WIPF1: variants seen among roughly 807,000 people sequenced by gnomAD.
The protein encoded by WIPF1 is WAS/WASL interacting protein family member 1.
Under a neutral mutation model 35.4 loss-of-function variants are expected in WIPF1, and 13 were observed. The observed-to-expected ratio is 0.37, with a 90% CI of 0.24 to 0.58. WIPF1 has a LOEUF of 0.58. Among genes scored for constraint, WIPF1 ranks in the 20% least tolerant of loss-of-function variants. The probability of loss-of-function intolerance (pLI) is 0.74; values close to 1 mark genes in which losing one functional copy is unlikely to be tolerated. For missense variants in WIPF1, 591 were observed against 667.0 expected (o/e 0.89, Z 1.25); for synonymous variants, 267 against 266.3 (o/e 1.00, Z -0.02).
chr2:174,574,614 T>C, intron 4 of WIPF1: 1 of 400,626 alleles, frequency 2.5e-6, no homozygotes, highest in Non-Finnish European at 4.5e-6. Flanking sequence ...TAGGCATTCA[T>C]GAGCAAGTTC....
At chr2:174,611,160 C>T (rs751786567) in intron 1 of WIPF1, among the ~76,000 whole-genome samples, 32 of 152,176 alleles carry the variant, frequency 2.1e-4, no homozygotes, top group African/African-American at 6.5e-4. Flanking sequence ...CTCCTATCTG[C>T]GTTGATGATG....
chr2:174,591,857 T>C (rs571114444), intron 1 of WIPF1, among the ~76,000 whole-genome samples: 1 of 152,176 alleles, frequency 6.6e-6, no homozygotes, highest in Non-Finnish European at 1.5e-5. Context: ...AACTAGGGCA[T>C]CTTGCAGCCT....
intron 1 of WIPF1, among the ~76,000 whole-genome samples, chr2:174,637,982 T>C (rs113954059): frequency 0.018 from 2,811 of 152,344 alleles, 52 homozygotes; most frequent in South Asian, 0.04. Context: ...TGTTATACCT[T>C]ATAGTTGATA....
intron 7 of WIPF1, 165 bp downstream of exon 7, chr2:174,566,904 CT>C (rs1684677753): frequency 1.7e-6 from 1 of 590,624 alleles, no homozygotes; most frequent in Non-Finnish European, 3.0e-6. Context: ...TTCTGGGCAT[CT>C]GCAATTTCCT....
chr2:174,628,698 C>T (rs1415414933), intron 1 of WIPF1, among the ~76,000 whole-genome samples: 1 of 152,224 alleles, frequency 6.6e-6, no homozygotes, highest in Non-Finnish European at 1.5e-5. Context: ...TCCTTGGGGC[C>T]CTTCAACATT....
At chr2:174,665,002 A>T (rs2105978839) in intron 1 of WIPF1, among the ~76,000 whole-genome samples, 1 of 152,332 alleles carries the variant, frequency 6.6e-6, no homozygotes, top group South Asian at 2.1e-4. Context: ...ATAATATTAT[A>T]TTAACAATAC....
intron 3 of WIPF1, among the ~76,000 whole-genome samples, chr2:174,578,886 T>C (rs772121387): frequency 1.5e-4 from 23 of 152,250 alleles, no homozygotes; most frequent in Non-Finnish European, 3.4e-4. Flanking sequence ...GCTATTAACA[T>C]CGCCCTTGTC....
At chr2:174,605,755 A>G (rs76960553) in intron 1 of WIPF1, among the ~76,000 whole-genome samples, 9,664 of 152,234 alleles carry the variant, frequency 0.063, 421 homozygotes, top group Non-Finnish European at 0.098. Flanking sequence ...TGAAATAGCC[A>G]TTCTTGAAGC....
Position 174,579,491 on chromosome 2 carries a change from CTG to C in WIPF1, c.181+1817_181+1818del, listed in dbSNP as rs201768817. On this transcript the variant is annotated intron_variant, in intron 3 of 7. Coordinates refer to ENST00000679041, the MANE Select transcript of WIPF1 (RefSeq NM_001375834.1). ...GTTTCACATGCAAACAGATACAAAA[CTG>C]TGGATAAACACTGCTGCTTGCAAAG... 7.0e-3 allele frequency among the ~76,000 whole-genome samples: 1,071 copies of C among 152,280 alleles called. 15 individuals are homozygous for C. Among genetic ancestry groups the C allele is most frequent in the African/African-American group, 0.025 (1,036 of 41,546 alleles).
At chr2:174,648,411 C>T (rs1329800584) in intron 1 of WIPF1, among the ~76,000 whole-genome samples, 1 of 152,170 alleles carries the variant, frequency 6.6e-6, no homozygotes, top group Non-Finnish European at 1.5e-5. Flanking sequence ...AATGATCAGC[C>T]ATCTCTGTGT....
intron 4 of WIPF1, among the ~76,000 whole-genome samples, chr2:174,574,342 T>C (rs946181713): frequency 3.3e-5 from 5 of 152,242 alleles, no homozygotes; most frequent in Non-Finnish European, 7.3e-5. Context: ...TCTGGCAAGA[T>C]AGAACCTCTC....
chr2:174,637,905 A>T (rs1269500663), intron 1 of WIPF1, among the ~76,000 whole-genome samples: 1 of 152,248 alleles, frequency 6.6e-6, no homozygotes, highest in Non-Finnish European at 1.5e-5. Context: ...TATTTTTAAC[A>T]TTCCTGGAAT....
chr2:174,590,994 G>A lies in WIPF1; in HGVS notation c.-38-5383C>T, dbSNP rs1685584049. 6.6e-6 allele frequency among the ~76,000 whole-genome samples: 1 copy of A among 152,176 alleles called. No individual in the cohort carries two copies. The highest frequency in any genetic ancestry group is 1.5e-5 in the Non-Finnish European group (1 of 68,036). ...ATTCCTGACCCTCAGGACCTCAGAA[G>A]GCAACTGTATTTGGAGATAGGGTCT... On this transcript the variant is annotated intron_variant, in intron 1 of 7. Transcript: ENST00000679041. This position sits in a 1 kb window ranked among gnomAD's most constrained non-coding sequence, Gnocchi z 4.6.
In WIPF1 at chr2:174,669,966, A is replaced by C. The variant is rs540591788; in HGVS notation, c.-39+12808T>G. On this transcript the variant is annotated intron_variant, in intron 1 of 8. Transcript: ENST00000272746. ...GAAGTGTTTCAAAAAAGGTGACATG[A>C]ATTAAGATGTAGGACATGACAAGGA... Among the ~76,000 whole-genome samples the C allele has an allele frequency of 4.6e-5, 7 of 152,344 alleles. No individual in the cohort carries two copies. In the East Asian group the frequency reaches 1.3e-3, roughly 29 times the overall value.
At chr2:174,579,658 G>A (rs1685173617) in intron 3 of WIPF1, among the ~76,000 whole-genome samples, 1 of 152,196 alleles carries the variant, frequency 6.6e-6, no homozygotes, top group African/African-American at 2.4e-5. Context: ...CATTAAATAA[G>A]AGAAGTGGAC....
At chr2:174,586,516 G>C (rs2105844383) in intron 1 of WIPF1, among the ~76,000 whole-genome samples, 1 of 152,288 alleles carries the variant, frequency 6.6e-6, no homozygotes, top group South Asian at 2.1e-4. Context: ...TGAGGGGGCA[G>C]GGCGGAGAGG....
At chr2:174,656,224 G>C (rs1200203925) in intron 1 of WIPF1, 2 of 152,264 alleles carry the variant, frequency 1.3e-5, no homozygotes, top group African/African-American at 2.4e-5. Context: ...AACAGCAGAA[G>C]AGCTGCCCAG....
chr2:174,666,667 G>A (rs993159446), intron 1 of WIPF1, among the ~76,000 whole-genome samples: 3 of 152,240 alleles, frequency 2.0e-5, no homozygotes, highest in Non-Finnish European at 4.4e-5. Flanking sequence ...CACTAAGAAG[G>A]AGAGCTGGAA....
In WIPF1 at chr2:174,582,300, T is replaced by C. The variant is rs150774719; in HGVS notation, c.52-861A>G. ...ATTGGGATCTTGTTCCTTCAGGGAGTTGGGGACACTAAGAGACCAGCAAAT... is the reference window on the plus strand; with the variant it reads ...ATTGGGATCTTGTTCCTTCAGGGAGCTGGGGACACTAAGAGACCAGCAAAT... On this transcript the variant is annotated intron_variant, in intron 2 of 7. Coordinates refer to ENST00000679041, the MANE Select transcript of WIPF1 (RefSeq NM_001375834.1). Among the ~76,000 whole-genome samples, 4 of 152,210 alleles carry C rather than the reference T, an allele frequency of 2.6e-5. No individual in the cohort carries two copies. The East Asian group carries it at 5.8e-4, about 22-fold the overall frequency.
Sources: allele counts gnomAD v4.1 joint callset (sites outside exome capture counted in the v4.1 genomes callset), GRCh38; gene constraint gnomAD v4.1.1; non-coding constraint Gnocchi (gnomAD v3.1); transcripts MANE v1.5; gene names NCBI Gene and HGNC (gene_info 2026-07-23, HGNC 2026-07-21).